Variants in RAB36 observed in about 807,000 individuals in gnomAD.
The protein encoded by RAB36 is RAB36, member RAS oncogene family, also known as ras-related protein Rab-36.
RAB36 carries 33 observed loss-of-function variants against 39.3 expected under a neutral mutation model. That is an observed-to-expected ratio of 0.84 (90% CI 0.64 to 1.12). RAB36 has a LOEUF of 1.12. Ranked by LOEUF, RAB36 falls within the 50% of genes most tolerant of loss-of-function variation. RAB36 has a pLI of 0.00. For synonymous variants in RAB36, 133 were observed against 140.2 expected, an observed-to-expected ratio of 0.95 and a Z score of 0.36; for missense variants, 308 against 355.3, an observed-to-expected ratio of 0.87 and a Z score of 1.07.
At chr22:23,165,691 G>A (rs12160099), downstream of RAB36, among the ~76,000 whole-genome samples, 752 of 152,230 alleles carry the variant, frequency 4.9e-3, 7 homozygotes, top group African/African-American at 0.017. Context: ...CTATTCTTCC[G>A]CTCCCTGCTT....
chr22:23,156,854 G>T (rs1314102905), intron 6 of RAB36, among the ~76,000 whole-genome samples: 1 of 152,178 alleles, frequency 6.6e-6, no homozygotes, highest in Non-Finnish European at 1.5e-5. Context: ...GGAATAAGAG[G>T]TGCGAGGCGC....
downstream of RAB36, among the ~76,000 whole-genome samples, chr22:23,166,977 C>G (rs1388683451): frequency 1.3e-5 from 2 of 152,136 alleles, no homozygotes; most frequent in Non-Finnish European, 2.9e-5. Flanking sequence ...CGTTTAACCA[C>G]AGCAATGCTG....
rs184299603 is a variant in RAB36 at position 23,165,571 on chromosome 22, G to A, written c.*4007G>A. On this transcript the variant is annotated 3_prime_UTR_variant, in exon 11 of 11. Transcript: ENST00000263116. ...TGGGCACAGGAAAGAATTGGACTTCGGGCAGAAAAATGTTTGTGCTATTTA... is the reference window on the plus strand; with the variant it reads ...TGGGCACAGGAAAGAATTGGACTTCAGGCAGAAAAATGTTTGTGCTATTTA... Among the ~76,000 whole-genome samples the A allele has an allele frequency of 2.0e-4, 31 of 152,300 alleles. No homozygotes were observed. Among genetic ancestry groups the A allele is most frequent in the Admixed American group, 4.6e-4 (7 of 15,300 alleles).
In RAB36 at chr22:23,165,409, C is replaced by T. The variant is rs1445103002; in HGVS notation, c.*3845C>T. Among the ~76,000 whole-genome samples the T allele has an allele frequency of 1.3e-5, 2 of 152,202 alleles. No homozygotes were observed. Among genetic ancestry groups the T allele is most frequent in the Non-Finnish European group, 2.9e-5 (2 of 68,044 alleles). On this transcript the variant is annotated 3_prime_UTR_variant, in exon 11 of 11. Transcript: ENST00000263116. ...TGACCCAGAGACCCTCACAGGGCAT[C>T]AGCCAGTGAAGGCGGTTTGGGGCTG... is the stretch of plus-strand genomic sequence containing the variant.
Position 23,154,853 on chromosome 22 carries a change from T to C in RAB36, c.330-1115T>C, listed in dbSNP as rs532862993. ...AAAAAATTCAGACCATGACCGGGCA[T>C]GGTGGCTCACACCTGTAATCCCAGC... On this transcript the variant is annotated intron_variant, in intron 5 of 10. Coordinates refer to ENST00000263116, the MANE Select transcript of RAB36 (RefSeq NM_004914.5). Among the ~76,000 whole-genome samples the C allele has an allele frequency of 2.0e-5, 3 of 152,256 alleles. No homozygotes were observed. The South Asian group carries it at 6.2e-4, about 32-fold the overall frequency.
chr22:23,161,566 T>A lies in RAB36; in HGVS notation c.*2T>A. The A allele has an allele frequency of 6.2e-7, 1 of 1,607,594 alleles. No homozygotes were observed. The highest frequency in any genetic ancestry group is 1.1e-5 in the South Asian group (1 of 90,430). On this transcript the variant is annotated 3_prime_UTR_variant, in exon 11 of 11. Coordinates refer to ENST00000263116, the MANE Select transcript of RAB36 (RefSeq NM_004914.5). ...CCCTCCAGCCTGGGCTGCTGCTAACTGGGGCCTGCGTGGAAGGCCTCCGCT... is the reference window on the plus strand; with the variant it reads ...CCCTCCAGCCTGGGCTGCTGCTAACAGGGGCCTGCGTGGAAGGCCTCCGCT...
At chr22:23,158,877 G>C (rs777687522) in intron 7 of RAB36, 21 bp from the exon 8 acceptor site, 4 of 1,609,094 alleles carry the variant, frequency 2.5e-6, no homozygotes, top group Non-Finnish European at 3.4e-6. Context: ...GAATCTCTCA[G>C]CCTCTCTCCT....
chr22:23,148,890 A>G (rs1042512109), intron 2 of RAB36, among the ~76,000 whole-genome samples: 2 of 152,252 alleles, frequency 1.3e-5, no homozygotes, highest in African/African-American at 4.8e-5. Context: ...TCTGCAGGAA[A>G]GTAGACTATC....
chr22:23,154,951 C>T (rs2071372368), intron 5 of RAB36, among the ~76,000 whole-genome samples: 1 of 152,032 alleles, frequency 6.6e-6, no homozygotes, highest in Admixed American at 6.6e-5. Context: ...CATGGAGAAA[C>T]CCCATCTCTA....
chr22:23,146,548 G>T, intron 1 of RAB36, 57 bp from the exon 2 acceptor site: 1 of 1,587,874 alleles, frequency 6.3e-7, no homozygotes, highest in South Asian at 1.1e-5. Flanking sequence ...ACTCATGGGT[G>T]AATCCCCAGG....
Position 23,152,516 on chromosome 22 carries a change from C to T in RAB36, c.217C>T (p.Leu73Phe). ...CGATCTCTACGTGGGGAAGACCAGC[C>T]TCATCCACAGGTACAAGGCTTCCTC... The part of the protein sequence containing the change: ...VGDLYVGKTS[L>F]IHRFCKNVFD... The change falls in exon 4 of 11, where the codon CTC becomes TTC. Residue 73 changes from leucine (L) to phenylalanine (F), a missense_variant. Transcript: ENST00000263116. The T allele has an allele frequency of 1.2e-6, 2 of 1,614,154 alleles. No individual in the cohort carries two copies. The highest frequency in any genetic ancestry group is 1.7e-6 in the Non-Finnish European group (2 of 1,180,012).
chr22:23,149,088 G>A (rs889299324), intron 2 of RAB36, among the ~76,000 whole-genome samples: 2 of 152,102 alleles, frequency 1.3e-5, no homozygotes, highest in Admixed American at 6.6e-5. Context: ...GAGGGCAGAT[G>A]GGCCAGGCAG....
At position 23,162,766 on chromosome 22, in the gene RAB36, G is replaced by C; in HGVS notation, c.*1202G>C. Reference sequence around the variant, plus strand: ...CACCTTGCAGGCAGCCTTCTGATCAGTACTGCTCTCCTAGGGCCTGGCACA... The same window carrying C: ...CACCTTGCAGGCAGCCTTCTGATCACTACTGCTCTCCTAGGGCCTGGCACA... On this transcript the variant is annotated 3_prime_UTR_variant, in exon 11 of 11. Coordinates refer to ENST00000263116, the MANE Select transcript of RAB36 (RefSeq NM_004914.5). 2.2e-6 allele frequency: 1 copy of C among 456,288 alleles called. No homozygotes were observed. Among genetic ancestry groups the C allele is most frequent in the South Asian group, 1.5e-5 (1 of 64,566 alleles). 28.3% of individuals were successfully genotyped at this position (456,288 alleles called of 1,614,324 possible).
At chr22:23,146,747 T>C (rs1363681847) in intron 2 of RAB36, 62 bp downstream of exon 2, 2 of 1,587,416 alleles carry the variant, frequency 1.3e-6, no homozygotes, top group African/African-American at 2.7e-5. Flanking sequence ...CTCTCCCCAC[T>C]CTACACTCAT....
intron 1 of RAB36, 59 bp downstream of exon 1, chr22:23,145,610 A>C: frequency 6.5e-7 from 1 of 1,537,426 alleles, no homozygotes; most frequent in Non-Finnish European, 8.8e-7. Flanking sequence ...GTGCTGGCAC[A>C]TCCCGAGGCC....
intron 3 of RAB36, 83 bp downstream of exon 3, chr22:23,150,237 AACAC>A: frequency 1.8e-6 from 2 of 1,105,400 alleles, no homozygotes; most frequent in South Asian, 2.6e-5. Context: ...GAACAAATGA[AACAC>A]ACACACGAGG....
chr22:23,152,269 G>A (rs1015787007), intron 3 of RAB36, among the ~76,000 whole-genome samples, 192 bp from the exon 4 acceptor site: 1 of 152,190 alleles, frequency 6.6e-6, no homozygotes, highest in African/African-American at 2.4e-5. Flanking sequence ...GGGCAGCAGA[G>A]TCTCCAGCCT....
chr22:23,157,946 G>GC (rs761248681), intron 6 of RAB36, 46 bp from the exon 7 acceptor site: 8 of 1,612,288 alleles, frequency 5.0e-6, no homozygotes, highest in African/African-American at 1.3e-5. Context: ...CCCCTTGCTC[G>GC]CCTCGCCTGG....
intron 1 of RAB36, 58 bp downstream of exon 1, chr22:23,145,609 C>A: frequency 6.5e-7 from 1 of 1,535,780 alleles, no homozygotes. Context: ...CGTGCTGGCA[C>A]ATCCCGAGGC....
Sources: allele counts gnomAD v4.1 joint callset (sites outside exome capture counted in the v4.1 genomes callset), GRCh38; gene constraint gnomAD v4.1.1; transcripts MANE v1.5; gene names NCBI Gene and HGNC (gene_info 2026-07-23, HGNC 2026-07-21).